Variants in SCAPER observed in about 807,000 individuals in gnomAD.
SCAPER encodes the protein S phase cyclin A-associated protein in the endoplasmic reticulum.
A neutral mutation model predicts 182.2 loss-of-function variants in SCAPER; 98 were observed. The ratio of observed to expected loss-of-function variants is 0.54; its 90% confidence interval spans 0.46 to 0.64. The LOEUF is 0.64. Among genes scored for constraint, SCAPER ranks in the 30% least tolerant of loss-of-function variants. The pLI, the probability that SCAPER is intolerant of heterozygous loss-of-function variation, is 0.00. For synonymous variants in SCAPER, 605 were observed against 564.6 expected (o/e 1.07, Z -1.01); for missense variants, 1,432 against 1,690.0 (o/e 0.85, Z 2.68).
chr15:76,381,695 C>G, intron 27 of SCAPER, 80 bp from the exon 28 acceptor site: 1 of 1,130,458 alleles, frequency 8.8e-7, no homozygotes, highest in Non-Finnish European at 1.3e-6. Flanking sequence ...TGAAACAAGA[C>G]AAGCAGACCG....
intron 21 of SCAPER, among the ~76,000 whole-genome samples, chr15:76,641,101 T>C (rs149623563): frequency 0.12 from 17,575 of 152,206 alleles, 1,273 homozygotes; most frequent in Middle Eastern, 0.19. Context: ...CTTCTGAGAA[T>C]TTCTGGTCTA....
At chr15:76,370,247 A>G (rs541623273) in intron 29 of SCAPER, among the ~76,000 whole-genome samples, 135 of 146,294 alleles carry the variant, frequency 9.2e-4, no homozygotes, top group Non-Finnish European at 1.7e-3. Flanking sequence ...TTTTTTGTTT[A>G]CTTCATTGTG....
At chr15:76,772,006 C>G in intron 9 of SCAPER, 52 bp from the exon 10 acceptor site, 2 of 1,352,798 alleles carry the variant, frequency 1.5e-6, no homozygotes, top group South Asian at 1.2e-5. Context: ...ACCAACTATT[C>G]CACTTTAGAA....
intron 25 of SCAPER, among the ~76,000 whole-genome samples, chr15:76,444,186 T>A (rs1246061937): frequency 6.6e-6 from 1 of 152,174 alleles, no homozygotes; most frequent in Non-Finnish European, 1.5e-5. Context: ...GCATCCACCT[T>A]TCAGTCCTGA....
chr15:76,774,403 G>A, intron 9 of SCAPER: 1 of 385,822 alleles, frequency 2.6e-6, no homozygotes, highest in East Asian at 9.4e-5. Context: ...GGATCCTGGA[G>A]GAAATTCTAT....
chr15:76,426,198 C>T (rs965022538), intron 26 of SCAPER, among the ~76,000 whole-genome samples: 2 of 152,160 alleles, frequency 1.3e-5, no homozygotes, highest in Non-Finnish European at 2.9e-5. Flanking sequence ...TTGGCTGTGC[C>T]CTGCCCCCAG....
intron 20 of SCAPER, among the ~76,000 whole-genome samples, chr15:76,669,237 C>T (rs185641932): frequency 3.3e-5 from 5 of 151,600 alleles, no homozygotes; most frequent in South Asian, 2.1e-4. Flanking sequence ...ACAACAACAA[C>T]AAAAACCCAC....
intron 5 of SCAPER, among the ~76,000 whole-genome samples, chr15:76,821,657 A>C (rs756187797): frequency 6.6e-6 from 1 of 152,072 alleles, no homozygotes; most frequent in African/African-American, 2.4e-5. Flanking sequence ...GGGGCCGGGC[A>C]CGGTGGCTCA....
chr15:76,877,682 T>C (rs867066774), intron 2 of SCAPER, among the ~76,000 whole-genome samples: 25 of 152,100 alleles, frequency 1.6e-4, no homozygotes, highest in African/African-American at 4.8e-4. Flanking sequence ...ATCACCTAAA[T>C]TGAGAAGACA....
chr15:76,568,190 C>CATAT lies in SCAPER; in HGVS notation c.2838+5964_2838+5967dup, dbSNP rs60959582. ...AGTACCTCACATGTCATGGATCAAGCATATATATATATATATATATATATA... is the reference window on the plus strand; with the variant it reads ...AGTACCTCACATGTCATGGATCAAGCATATATATATATATATATATATATATATA... On this transcript the variant is annotated intron_variant, in intron 23 of 31. Transcript: ENST00000563290. Among the ~76,000 whole-genome samples the CATAT allele has an allele frequency of 7.3e-3, 1,014 of 138,560 alleles. 16 individuals carry two copies. The highest frequency in any genetic ancestry group is 0.027 in the African/African-American group (910 of 33,234). The allele number at this position is 138,560 out of a possible 152,430, so 90.9% of individuals were successfully genotyped here. A position where few individuals can be genotyped will look rare whatever the true frequency, so the allele number is the denominator to read the frequency against.
intron 17 of SCAPER, among the ~76,000 whole-genome samples, chr15:76,722,891 T>C (rs548070067): frequency 1.1e-4 from 16 of 152,320 alleles, no homozygotes; most frequent in Non-Finnish European, 1.8e-4. Context: ...CCTGGATTCA[T>C]TGATTTTTTG....
At chr15:76,808,984 T>C (rs1464446406) in intron 5 of SCAPER, among the ~76,000 whole-genome samples, 1 of 152,142 alleles carries the variant, frequency 6.6e-6, no homozygotes, top group African/African-American at 2.4e-5. Context: ...TCCAGCTGGA[T>C]CTTGAGAGAT....
intron 25 of SCAPER, among the ~76,000 whole-genome samples, chr15:76,444,155 G>A (rs923709590): frequency 1.3e-5 from 2 of 152,220 alleles, no homozygotes; most frequent in Admixed American, 1.3e-4. Context: ...CTTTTCAAGA[G>A]TTTTGATGGG....
intron 27 of SCAPER, among the ~76,000 whole-genome samples, chr15:76,395,386 A>G (rs1158258267): frequency 2.6e-5 from 4 of 152,124 alleles, no homozygotes; most frequent in Non-Finnish European, 5.9e-5. Flanking sequence ...GCTGGATTGT[A>G]TGGTAGCTCT....
intron 23 of SCAPER, among the ~76,000 whole-genome samples, chr15:76,512,454 C>A (rs1221236891): frequency 6.6e-6 from 1 of 151,716 alleles, no homozygotes; most frequent in Non-Finnish European, 1.5e-5. Flanking sequence ...TGACATCTCT[C>A]AACTCAAAAA....
intron 1 of SCAPER, among the ~76,000 whole-genome samples, chr15:76,897,551 C>G (rs1806023187): frequency 6.6e-6 from 1 of 151,998 alleles, no homozygotes; most frequent in African/African-American, 2.4e-5. Flanking sequence ...ACCAAAAATA[C>G]AAAAACTTAG....
rs532773041 is a variant in SCAPER at position 76,676,749 on chromosome 15, A to C, written c.2509-10960T>G. On this transcript the variant is annotated intron_variant, in intron 20 of 31. Transcript: ENST00000563290. ...AAATAGAAATTCTGGATTCAAATCT[A>C]TGCAATGCAGTTTATATATAAATGT... Among the ~76,000 whole-genome samples, 48 of 151,752 alleles carry C rather than the reference A, an allele frequency of 3.2e-4. No individual in the cohort carries two copies. In the East Asian group the frequency reaches 9.1e-3, roughly 29 times the overall value.
chr15:76,771,826 T>G lies in SCAPER; in HGVS notation c.1164A>C (p.Thr388=). The G allele has an allele frequency of 6.2e-7, 1 of 1,613,194 alleles. No individual in the cohort carries two copies. Among genetic ancestry groups the G allele is most frequent in the Non-Finnish European group, 8.5e-7 (1 of 1,179,426 alleles). Residue 388 remains threonine, a synonymous_variant, in exon 10 of 32, where the codon ACA becomes ACC. Transcript: ENST00000563290. The part of the protein sequence containing the change: ...ECVSVMLQAG[T]PPLQVNEEKF... ...TTTCTTCATTTACTTGTAAAGGAGG[T>G]GTACCAGCTTGCAGCATAACTGAAA... is the stretch of plus-strand genomic sequence containing the variant.
chr15:76,571,709 CCAT>C (rs2047446683), intron 23 of SCAPER, among the ~76,000 whole-genome samples: 1 of 152,178 alleles, frequency 6.6e-6, no homozygotes, highest in Non-Finnish European at 1.5e-5. Flanking sequence ...CCAAGTTCCA[CCAT>C]CCTACCTTGT....
Sources: allele counts gnomAD v4.1 joint callset (sites outside exome capture counted in the v4.1 genomes callset), GRCh38; gene constraint gnomAD v4.1.1; transcripts MANE v1.5; gene names NCBI Gene and HGNC (gene_info 2026-07-23, HGNC 2026-07-21).